The following MCTP1 variants were observed in gnomAD, a reference collection of about 807,000 sequenced individuals.
MCTP1 encodes the protein multiple C2 and transmembrane domain-containing protein 1.
Under a neutral mutation model 120.6 loss-of-function variants are expected in MCTP1, and 69 were observed. The observed-to-expected ratio is 0.57, with a 90% CI of 0.47 to 0.70. The LOEUF is 0.70. MCTP1 is among the 30% of genes least tolerant of loss of function. MCTP1 has a pLI of 0.00. For missense variants in MCTP1, 1,203 were observed against 1,248.8 expected (o/e 0.96, Z 0.55); for synonymous variants, 529 against 493.1 (o/e 1.07, Z -0.96).
chr5:94,962,588 G>A (rs981339570), intron 2 of MCTP1, among the ~76,000 whole-genome samples: 2 of 151,874 alleles, frequency 1.3e-5, no homozygotes, highest in Admixed American at 1.3e-4. Context: ...GGATGGGATT[G>A]GAGACTATTA....
intron 10 of MCTP1, among the ~76,000 whole-genome samples, chr5:94,904,265 G>T (rs1806235449): frequency 6.6e-6 from 1 of 152,124 alleles, no homozygotes; most frequent in African/African-American, 2.4e-5. Flanking sequence ...ACTTTAGATT[G>T]ATCTGGATTT....
chr5:95,112,061 C>T (rs1757496475), intron 1 of MCTP1, among the ~76,000 whole-genome samples: 1 of 152,148 alleles, frequency 6.6e-6, no homozygotes, highest in Non-Finnish European at 1.5e-5. Flanking sequence ...AAAAGAAGTG[C>T]ACACACGCTA....
chr5:94,960,315 C>A (rs1335288744), intron 2 of MCTP1, among the ~76,000 whole-genome samples: 1 of 152,128 alleles, frequency 6.6e-6, no homozygotes, highest in Non-Finnish European at 1.5e-5. Flanking sequence ...ATTATAAAAA[C>A]CCTAGAAGAA....
intron 1 of MCTP1, among the ~76,000 whole-genome samples, chr5:95,232,827 C>A (rs1237644205): frequency 2.6e-5 from 4 of 152,052 alleles, no homozygotes; most frequent in Admixed American, 1.3e-4. Context: ...TAATATTAGA[C>A]AAAGTAGACT....
chr5:94,977,874 T>TA (rs552977726), intron 2 of MCTP1, among the ~76,000 whole-genome samples: 1 of 152,256 alleles, frequency 6.6e-6, no homozygotes, highest in Non-Finnish European at 1.5e-5. Flanking sequence ...TTCATGACAT[T>TA]AGTTTTGTCA....
intron 2 of MCTP1, among the ~76,000 whole-genome samples, chr5:94,963,763 T>G (rs1419473360): frequency 2.0e-5 from 3 of 152,192 alleles, no homozygotes; most frequent in African/African-American, 7.2e-5. Context: ...TTCCATAGAT[T>G]GCTTTTTTAT....
intron 1 of MCTP1, among the ~76,000 whole-genome samples, chr5:95,159,781 G>A (rs1362185505): frequency 6.6e-6 from 1 of 151,876 alleles, no homozygotes; most frequent in African/African-American, 2.4e-5. Flanking sequence ...CAAGTACTAT[G>A]AATAAAACAG....
At chr5:94,816,027 C>G (rs557546681) in intron 17 of MCTP1, among the ~76,000 whole-genome samples, 99 of 152,000 alleles carry the variant, frequency 6.5e-4, no homozygotes, top group African/African-American at 2.3e-3. Flanking sequence ...AAAAGGAAAA[C>G]AAGAAAAGGT....
chr5:94,894,876 T>C, intron 10 of MCTP1, 41 bp from the exon 11 acceptor site: 1 of 1,419,134 alleles, frequency 7.0e-7, no homozygotes. Flanking sequence ...GCTTTTTTTT[T>C]TTTTTTGCCA....
intron 1 of MCTP1, among the ~76,000 whole-genome samples, chr5:95,018,938 T>C (rs552067490): frequency 6.6e-6 from 1 of 152,208 alleles, no homozygotes; most frequent in African/African-American, 2.4e-5. Flanking sequence ...TTGGGAAATA[T>C]TTTTCACACT....
chr5:94,711,684 G>C (rs991421879), intron 20 of MCTP1, among the ~76,000 whole-genome samples: 1 of 150,044 alleles, frequency 6.7e-6, no homozygotes, highest in Non-Finnish European at 1.5e-5. Context: ...AACAAGACAT[G>C]ATAACAAATG....
At position 95,061,571 on chromosome 5, in the gene MCTP1, G is replaced by A. The variant is rs900424639; in HGVS notation, c.721-44087C>T. ...CTGCCTCAGCCTCCAAAGTAGCTGGGACTACAGGCGCCCGCCACTACGCCC... is the reference window on the plus strand; with the variant it reads ...CTGCCTCAGCCTCCAAAGTAGCTGGAACTACAGGCGCCCGCCACTACGCCC... On this transcript the variant is annotated intron_variant, in intron 1 of 22. Transcript: ENST00000515393. Among the ~76,000 whole-genome samples the A allele has an allele frequency of 3.7e-4, 55 of 149,386 alleles. No homozygotes were observed. The East Asian group carries it at 9.4e-3, about 26-fold the overall frequency.
At chr5:94,806,993 A>C (rs1338365131) in intron 17 of MCTP1, among the ~76,000 whole-genome samples, 1 of 152,114 alleles carries the variant, frequency 6.6e-6, no homozygotes, top group Non-Finnish European at 1.5e-5. Context: ...TTTTTTCTTA[A>C]ACTTAACACA....
intron 1 of MCTP1, among the ~76,000 whole-genome samples, chr5:95,067,309 A>G (rs1226574534): frequency 6.6e-6 from 1 of 152,226 alleles, no homozygotes; most frequent in East Asian, 1.9e-4. Flanking sequence ...CAAAGAAGTG[A>G]CAAATATTTG....
At chr5:95,225,611 G>A (rs1362640388) in intron 1 of MCTP1, among the ~76,000 whole-genome samples, 2 of 152,140 alleles carry the variant, frequency 1.3e-5, no homozygotes, top group Non-Finnish European at 2.9e-5. Flanking sequence ...GTTCAAGTGG[G>A]AAAGAACATT....
intron 6 of MCTP1, chr5:94,929,484 T>C (rs1269707443): frequency 5.6e-6 from 1 of 177,532 alleles, no homozygotes; most frequent in South Asian, 1.9e-4. Flanking sequence ...CACATAAAAT[T>C]ACACCCTATT....
In MCTP1 at chr5:95,157,991, T is replaced by C. The variant is rs552533939; in HGVS notation, c.720+125865A>G. 2.6e-5 allele frequency among the ~76,000 whole-genome samples: 4 copies of C among 152,340 alleles called. No individual in the cohort carries two copies. The South Asian group carries it at 8.3e-4, about 32-fold the overall frequency. On this transcript the variant is annotated intron_variant, in intron 1 of 22. Coordinates refer to ENST00000515393, the MANE Select transcript of MCTP1 (RefSeq NM_024717.7). ...AACCCCTGTTGTAGTTCATTAAAAA[T>C]CAGTGTTTAGTGCAAGTCTACATCT... is the stretch of plus-strand genomic sequence containing the variant.
At chr5:95,214,452 G>A (rs251092) in intron 1 of MCTP1, among the ~76,000 whole-genome samples, 2 of 121,976 alleles carry the variant, frequency 1.6e-5, no homozygotes, top group African/African-American at 3.0e-5. Context: ...TGGAAGTCAG[G>A]GTGGCGATTC....
At chr5:95,013,784 A>G (rs964213674) in intron 2 of MCTP1, among the ~76,000 whole-genome samples, 1 of 152,156 alleles carries the variant, frequency 6.6e-6, no homozygotes, top group African/African-American at 2.4e-5. Context: ...TATTGTTTTC[A>G]GTCCTGTTAA....
Sources: gnomAD v4.1 joint callset for allele counts (sites outside exome capture counted in the v4.1 genomes callset) on GRCh38, gnomAD v4.1.1 for gene constraint, MANE v1.5 for transcripts, NCBI Gene and HGNC (gene_info 2026-07-23, HGNC 2026-07-21) for gene names.